Variants in AFF3 observed in about 807,000 individuals in gnomAD.
The protein encoded by AFF3 is ALF transcription elongation factor 3.
AFF3 carries 32 observed loss-of-function variants against 129.7 expected under a neutral mutation model. The observed-to-expected ratio is 0.25, with a 90% CI of 0.19 to 0.33. AFF3 has a LOEUF of 0.33. Ranked by LOEUF, AFF3 falls within the 10% of genes least tolerant of loss-of-function variation. The pLI, the probability that AFF3 is intolerant of heterozygous loss-of-function variation, is 1.00. For missense variants in AFF3, 1,373 were observed against 1,592.0 expected, an observed-to-expected ratio of 0.86 and a Z score of 2.34; for synonymous variants, 644 against 635.4, an observed-to-expected ratio of 1.01 and a Z score of -0.20.
intron 8 of AFF3, among the ~76,000 whole-genome samples, chr2:99,813,843 AC>A (rs1049949031): frequency 6.6e-6 from 1 of 152,216 alleles, no homozygotes; most frequent in Admixed American, 6.5e-5. Flanking sequence ...AAAACAGTTC[AC>A]CTGTTTATAA....
chr2:99,960,734 T>C (rs1371849362), intron 7 of AFF3, among the ~76,000 whole-genome samples: 1 of 152,192 alleles, frequency 6.6e-6, no homozygotes, highest in Admixed American at 6.5e-5. Flanking sequence ...AAATTCAGCC[T>C]GGGGCTTGCT....
chr2:99,674,407 C>T (rs1038514773), intron 11 of AFF3, among the ~76,000 whole-genome samples: 3 of 152,192 alleles, frequency 2.0e-5, no homozygotes, highest in South Asian at 2.1e-4. Context: ...CAGAACACAA[C>T]GCCAGTTTGC....
At chr2:99,916,387 C>T (rs1377982045) in intron 7 of AFF3, among the ~76,000 whole-genome samples, 1 of 152,120 alleles carries the variant, frequency 6.6e-6, no homozygotes, top group Non-Finnish European at 1.5e-5. Flanking sequence ...TTTTATTCTC[C>T]CTCATCAGAA....
chr2:99,846,102 G>A (rs1689700376), intron 7 of AFF3, among the ~76,000 whole-genome samples: 1 of 151,746 alleles, frequency 6.6e-6, no homozygotes, highest in Non-Finnish European at 1.5e-5. Context: ...AAAGTGCTGG[G>A]ATTACAGGCG....
intron 4 of AFF3, among the ~76,000 whole-genome samples, chr2:100,078,944 CTT>C (rs35031023): frequency 1.6e-4 from 21 of 131,160 alleles, no homozygotes; most frequent in African/African-American, 8.5e-5. Context: ...TGAATATTTT[CTT>C]TTTTTTTTTT....
chr2:99,609,007 T>G (rs1194499816), intron 13 of AFF3, among the ~76,000 whole-genome samples: 1 of 151,974 alleles, frequency 6.6e-6, no homozygotes, highest in Non-Finnish European at 1.5e-5. Context: ...CAGAAGAAGT[T>G]TTACCCACTC....
intron 18 of AFF3, chr2:99,572,782 G>A: frequency 2.6e-6 from 1 of 383,626 alleles, no homozygotes; most frequent in South Asian, 2.0e-5. Flanking sequence ...TGAAGACTAT[G>A]GATGAGGGCA....
intron 7 of AFF3, among the ~76,000 whole-genome samples, chr2:99,942,895 C>A (rs562096072): frequency 6.6e-6 from 1 of 152,280 alleles, no homozygotes; most frequent in Non-Finnish European, 1.5e-5. Flanking sequence ...ATATATTTTC[C>A]TTCCCTGAAG....
intron 8 of AFF3, among the ~76,000 whole-genome samples, chr2:99,812,460 A>C (rs1478040136): frequency 6.6e-6 from 1 of 151,436 alleles, no homozygotes; most frequent in African/African-American, 2.5e-5. Flanking sequence ...CAGCCTCTGG[A>C]GATAAGACTT....
chr2:100,027,491 T>G (rs1054853430), intron 4 of AFF3, among the ~76,000 whole-genome samples: 1 of 152,152 alleles, frequency 6.6e-6, no homozygotes, highest in Non-Finnish European at 1.5e-5. Flanking sequence ...TAGATAACAA[T>G]TTACGGAACT....
intron 7 of AFF3, among the ~76,000 whole-genome samples, chr2:99,926,220 T>C (rs1420366704): frequency 1.3e-5 from 2 of 152,182 alleles, no homozygotes; most frequent in Non-Finnish European, 2.9e-5. Flanking sequence ...GCGAGAGAGC[T>C]AGTGAGACTG....
chr2:99,744,521 T>C (rs1280175745), intron 9 of AFF3, among the ~76,000 whole-genome samples: 1 of 152,138 alleles, frequency 6.6e-6, no homozygotes, highest in Non-Finnish European at 1.5e-5. Context: ...CCTTACCCAT[T>C]AAGCAGGGTC....
rs193254585 is a variant in AFF3 at position 99,925,183 on chromosome 2, G to A, written c.873+81449C>T. On this transcript the variant is annotated intron_variant, in intron 7 of 24. Transcript: ENST00000672756. Reference sequence around the variant, plus strand: ...GTGAGCTACCACACCAGCCCCAAAGGAGAATTTTTATTTTAGAACTACAGC... The same window carrying A: ...GTGAGCTACCACACCAGCCCCAAAGAAGAATTTTTATTTTAGAACTACAGC... 8.0e-4 allele frequency among the ~76,000 whole-genome samples: 121 copies of A among 152,098 alleles called. No individual in the cohort carries two copies. The Middle Eastern group carries it at 0.014, about 17-fold the overall frequency.
chr2:99,969,654 T>TTTGTTG (rs536322720), intron 7 of AFF3, among the ~76,000 whole-genome samples: 37 of 151,288 alleles, frequency 2.4e-4, no homozygotes, highest in Admixed American at 3.9e-4. Context: ...CCACCCAGGT[T>TTTGTTG]TTGTTGTTGT....
At chr2:99,624,253 C>T (rs1239044382) in intron 13 of AFF3, among the ~76,000 whole-genome samples, 1 of 152,078 alleles carries the variant, frequency 6.6e-6, no homozygotes, top group East Asian at 1.9e-4. Flanking sequence ...AAGAAAATTT[C>T]CCAGACTATC....
chr2:99,714,006 C>G (rs1038777322), intron 11 of AFF3, among the ~76,000 whole-genome samples: 9 of 152,066 alleles, frequency 5.9e-5, no homozygotes, highest in African/African-American at 2.2e-4. Flanking sequence ...CAGCCAGACT[C>G]CCTAATTTTA....
intron 12 of AFF3, among the ~76,000 whole-genome samples, chr2:99,661,488 T>C (rs1411843933): frequency 6.6e-6 from 1 of 152,266 alleles, no homozygotes; most frequent in Non-Finnish European, 1.5e-5. Context: ...TTGGTTTTTA[T>C]ATAATTTTCT....
chr2:99,896,068 CAAAAAAA>C (rs58471464), intron 7 of AFF3, among the ~76,000 whole-genome samples: 1,348 of 63,128 alleles, frequency 0.021, 30 homozygotes, highest in African/African-American at 0.078. Flanking sequence ...GACTCCTTCT[CAAAAAAA>C]AAAAAAAAAA....
At chr2:99,925,450 T>G (rs1696161553) in intron 7 of AFF3, among the ~76,000 whole-genome samples, 1 of 152,200 alleles carries the variant, frequency 6.6e-6, no homozygotes, top group Non-Finnish European at 1.5e-5. Flanking sequence ...CAATTACTCT[T>G]GAGCTCTTTG....
Sources: gnomAD v4.1 joint callset for allele counts (sites outside exome capture counted in the v4.1 genomes callset) on GRCh38, gnomAD v4.1.1 for gene constraint, MANE v1.5 for transcripts, NCBI Gene and HGNC (gene_info 2026-07-23, HGNC 2026-07-21) for gene names.